The following QRICH2 variants were observed in gnomAD, a reference collection of about 807,000 sequenced individuals.
QRICH2 encodes the protein glutamine-rich protein 2.
In QRICH2, 119 loss-of-function variants were observed where a neutral mutation model predicts 168.3. The ratio of observed to expected loss-of-function variants is 0.71; its 90% confidence interval spans 0.61 to 0.82. QRICH2 has a LOEUF of 0.82. Among genes scored for constraint, QRICH2 ranks in the 40% least tolerant of loss-of-function variants. QRICH2 has a pLI of 0.00. For missense variants in QRICH2, 2,241 were observed against 2,491.6 expected (o/e 0.90, Z 2.14); for synonymous variants, 894 against 951.2 (o/e 0.94, Z 1.11).
chr17:76,293,628 G>GT lies in QRICH2; in HGVS notation c.1098dup (p.Pro367ThrfsTer9). On this transcript the variant is annotated frameshift_variant, in exon 4 of 19. Transcript: ENST00000680821. LOFTEE classifies it high-confidence loss of function. ...CTACTGGGCTGGTCTCTGGCCAAGG[G>GT]TAAGTCCTGTTGAACTGGACCAGGA... 1 of 1,614,218 alleles carries GT rather than the reference G, an allele frequency of 6.2e-7. No individual in the cohort carries two copies. The highest frequency in any genetic ancestry group is 8.5e-7 in the Non-Finnish European group (1 of 1,180,038).
At chr17:76,288,457 C>CT (rs1447160962) in intron 5 of QRICH2, among the ~76,000 whole-genome samples, 1 of 146,310 alleles carries the variant, frequency 6.8e-6, no homozygotes, top group Non-Finnish European at 1.5e-5. Context: ...GTAATCCCAG[C>CT]ACTTTGGGAG....
intron 4 of QRICH2, 39 bp downstream of exon 4, chr17:76,290,976 G>A: frequency 6.3e-7 from 1 of 1,589,638 alleles, no homozygotes; most frequent in Admixed American, 1.7e-5. Context: ...ACTGAAAACA[G>A]AGACAATGGT....
chr17:76,282,209 C>A, intron 7 of QRICH2, 94 bp from the exon 8 acceptor site: 1 of 1,452,588 alleles, frequency 6.9e-7, no homozygotes, highest in African/African-American at 1.4e-5. Flanking sequence ...GTGTGCCTCT[C>A]CCCTGTCGTG....
intron 15 of QRICH2, among the ~76,000 whole-genome samples, chr17:76,277,592 A>G (rs1196861716): frequency 6.6e-6 from 1 of 151,982 alleles, no homozygotes; most frequent in African/African-American, 2.4e-5. Flanking sequence ...ATGCACACAC[A>G]CATACTTATG....
At chr17:76,275,232 C>G (rs2070653079) in intron 18 of QRICH2, among the ~76,000 whole-genome samples, 2 of 152,240 alleles carry the variant, frequency 1.3e-5, no homozygotes, top group South Asian at 4.1e-4. Flanking sequence ...ACCCAGCACC[C>G]CCTTGATGAC....
Position 76,292,076 on chromosome 17 carries a change from G to C in QRICH2, c.2651C>G (p.Pro884Arg). 6.2e-7 allele frequency: 1 copy of C among 1,614,092 alleles called. No homozygotes were observed. The highest frequency in any genetic ancestry group is 1.1e-5 in the South Asian group (1 of 91,082). Residue 884 changes from proline (P) to arginine (R), a missense_variant, in exon 4 of 19, where the codon CCT becomes CGT. Transcript: ENST00000680821. ...GATCAAACCACGCTGGTCCATTCCAGGTTGGACCAAACCACGCTGATCCAC... is the reference window on the plus strand; with the variant it reads ...GATCAAACCACGCTGGTCCATTCCACGTTGGACCAAACCACGCTGATCCAC... Reference protein sequence around the residue: ...PGVDQRGLVQPGMDQRGLIQP... With the variant: ...PGVDQRGLVQRGMDQRGLIQP...
Position 76,279,442 on chromosome 17 carries a change from G to A in QRICH2, c.4749-14C>T. ...GCCAGGAGCTGCCTGTTAGGAATGG[G>A]ACGCACACGCAGGGTGAGTGCTCTG... On this transcript the variant is annotated splice_polypyrimidine_tract_variant and intron_variant, in intron 12 of 18. Coordinates refer to ENST00000680821, the MANE Select transcript of QRICH2 (RefSeq NM_001388453.1). 1 of 1,604,504 alleles carries A rather than the reference G, an allele frequency of 6.2e-7. No homozygotes were observed.
At chr17:76,310,415 C>G (rs1365721609), upstream of QRICH2, 1 of 152,102 alleles carries the variant, frequency 6.6e-6, no homozygotes, top group Non-Finnish European at 1.5e-5. Flanking sequence ...GGTGATCTAC[C>G]TGCCTCGGCC....
upstream of QRICH2, chr17:76,309,354 T>TTAA (rs2071041803): frequency 8.8e-6 from 1 of 113,318 alleles, no homozygotes; most frequent in African/African-American, 4.9e-5. Context: ...AGACTCTGTC[T>TTAA]CAAAAAAAAA....
chr17:76,276,954 G>A (rs960665058), intron 16 of QRICH2, among the ~76,000 whole-genome samples, 187 bp from the exon 17 acceptor site: 1 of 152,240 alleles, frequency 6.6e-6, no homozygotes, highest in Non-Finnish European at 1.5e-5. Flanking sequence ...GGAGGCCTGG[G>A]AGGCCGGAAT....
chr17:76,277,631 C>T (rs73350378), intron 15 of QRICH2, among the ~76,000 whole-genome samples: 18,075 of 151,918 alleles, frequency 0.12, 2,731 homozygotes, highest in African/African-American at 0.36. Flanking sequence ...CACATACACA[C>T]GAACATATAC....
chr17:76,283,142 A>G (rs903475548), intron 7 of QRICH2, among the ~76,000 whole-genome samples: 1 of 152,152 alleles, frequency 6.6e-6, no homozygotes, highest in African/African-American at 2.4e-5. Flanking sequence ...ACTTACAACC[A>G]GAAGAGCCTG....
chr17:76,279,366 C>T lies in QRICH2; in HGVS notation c.4811G>A (p.Gly1604Glu), dbSNP rs1452958817. ...TGCCGGCGGTGTGGGCACTCACTGT[C>T]CAGTCACAGGTGTCTCCAAGGGCCG... ...CDRPLETPVT[G>E]HAIPVTPAGP... is the part of the protein sequence containing the mutation. The change falls in exon 13 of 19, where the codon GGA becomes GAA. Residue 1604 changes from glycine to glutamate, a missense_variant. By Grantham distance (98) the Gly-to-Glu change is moderately conservative (BLOSUM62 -2). This residue lies in a region of QRICH2 where 2,047 missense variants were observed against 2,303.8 expected (regional missense o/e 0.89). Transcript: ENST00000680821. The T allele has an allele frequency of 1.2e-6, 2 of 1,612,388 alleles. No homozygotes were observed. The highest frequency in any genetic ancestry group is 8.5e-7 in the Non-Finnish European group (1 of 1,179,200).
intron 6 of QRICH2, 149 bp downstream of exon 6, chr17:76,287,651 T>C: frequency 1.5e-6 from 1 of 661,108 alleles, no homozygotes. Flanking sequence ...TTCCTTGAAC[T>C]AGACATGGAC....
chr17:76,295,524 T>C (rs2070781782), intron 3 of QRICH2, among the ~76,000 whole-genome samples: 1 of 151,968 alleles, frequency 6.6e-6, no homozygotes, highest in African/African-American at 2.4e-5. Context: ...GGTGTGGTAC[T>C]GCACACCTGT....
intron 17 of QRICH2, 34 bp downstream of exon 17, chr17:76,276,646 G>A (rs371046102): frequency 1.4e-3 from 2,218 of 1,558,758 alleles, no homozygotes; most frequent in Non-Finnish European, 1.8e-3. Flanking sequence ...TGGGACCCAC[G>A]TGAGGTGCCT....
intron 3 of QRICH2, among the ~76,000 whole-genome samples, chr17:76,297,519 A>G (rs1037566660): frequency 6.6e-6 from 1 of 152,122 alleles, no homozygotes; most frequent in Non-Finnish European, 1.5e-5. Flanking sequence ...AAGAAAAAAA[A>G]AATACAAAAA....
At position 76,292,167 on chromosome 17, in the gene QRICH2, G is replaced by A. The variant is rs759694049; in HGVS notation, c.2560C>T (p.Pro854Ser). 2.7e-6 allele frequency: 4 copies of A among 1,495,406 alleles called. No individual in the cohort carries two copies. Among genetic ancestry groups the A allele is most frequent in the Admixed American group, 4.1e-5 (2 of 48,998 alleles). The allele number at this position is 1,495,406 out of a possible 1,614,324, so 92.6% of individuals were successfully genotyped here. ...PGAVQHGLVQ[P>S]GADQRGLVQP... is the part of the protein sequence containing the mutation. ...ACCAAACCACGCTGATCTGCACCAG[G>A]TTGGACCAAACCATGCTGAACTGCA... Residue 854 changes from proline to serine, a missense_variant, in exon 4 of 19, where the codon CCT becomes TCT. By Grantham distance (74) the Pro-to-Ser change is moderately conservative. This residue lies in a region of QRICH2 where 2,047 missense variants were observed against 2,303.8 expected (regional missense o/e 0.89). Coordinates refer to ENST00000680821, the MANE Select transcript of QRICH2 (RefSeq NM_001388453.1).
At position 76,274,108 on chromosome 17, in the gene QRICH2, G is replaced by T. The variant is rs752377044; in HGVS notation, c.5635C>A (p.Arg1879=). Reference sequence around the variant, plus strand: ...TGAGCGGTGCTGGACCGCGGCCCCCGCGTGGGCTCCTCGAGCCCCTCCCCA... The same window carrying T: ...TGAGCGGTGCTGGACCGCGGCCCCCTCGTGGGCTCCTCGAGCCCCTCCCCA... ...PPGEGLEEPT[R]GPRSSTAQ Residue 1879 remains arginine (R), a synonymous_variant, in exon 19 of 19, where the codon CGG becomes AGG. Transcript: ENST00000680821. The T allele has an allele frequency of 3.2e-6, 5 of 1,582,962 alleles. No homozygotes were observed. Among genetic ancestry groups the T allele is most frequent in the Middle Eastern group, 1.7e-4 (1 of 5,980 alleles).
Sources: gnomAD v4.1 joint callset for allele counts (sites outside exome capture counted in the v4.1 genomes callset) on GRCh38, gnomAD v4.1.1 for gene constraint, gnomAD v4.1.1 regional missense constraint, MANE v1.5 for transcripts, NCBI Gene and HGNC (gene_info 2026-07-23, HGNC 2026-07-21) for gene names.